Variants in CDH1 observed in about 807,000 individuals in gnomAD.
CDH1 encodes cadherin-1.
A neutral mutation model predicts 84.5 loss-of-function variants in CDH1; 35 were observed. That is an observed-to-expected ratio of 0.41 (90% CI 0.32 to 0.55). The LOEUF is 0.55. Among genes scored for constraint, CDH1 ranks in the 20% least tolerant of loss-of-function variants. CDH1 has a pLI of 0.19. For missense variants in CDH1, 994 were observed against 1,126.6 expected, an observed-to-expected ratio of 0.88 and a Z score of 1.68; for synonymous variants, 417 against 439.0, an observed-to-expected ratio of 0.95 and a Z score of 0.63.
intron 2 of CDH1, among the ~76,000 whole-genome samples, chr16:68,769,833 A>G (rs1286848746): frequency 6.6e-6 from 1 of 151,986 alleles, no homozygotes; most frequent in East Asian, 2.0e-4. Flanking sequence ...TTATGCCATC[A>G]CGCCTGGCTA....
chr16:68,803,053 C>T (rs1431705601), intron 3 of CDH1, among the ~76,000 whole-genome samples: 1 of 152,094 alleles, frequency 6.6e-6, no homozygotes, highest in Non-Finnish European at 1.5e-5. Flanking sequence ...TCAAGTGCTC[C>T]CGTGGTGCTT....
intron 3 of CDH1, among the ~76,000 whole-genome samples, chr16:68,804,162 G>A (rs1019582732): frequency 5.3e-5 from 7 of 131,094 alleles, no homozygotes; most frequent in African/African-American, 6.1e-5. Context: ...CACCCAGGCT[G>A]GAGTGCAGTG....
chr16:68,771,375 C>A (rs1416724582), intron 2 of CDH1, among the ~76,000 whole-genome samples: 1 of 152,130 alleles, frequency 6.6e-6, no homozygotes, highest in Non-Finnish European at 1.5e-5. Flanking sequence ...TAGTCTCGAA[C>A]TCCTAGTCTC....
At chr16:68,808,967 C>A in intron 5 of CDH1, 119 bp downstream of exon 5, 1 of 883,656 alleles carries the variant, frequency 1.1e-6, no homozygotes, top group Non-Finnish European at 1.8e-6. Flanking sequence ...TAACTTGACA[C>A]CTCTTGACCT....
intron 2 of CDH1, among the ~76,000 whole-genome samples, chr16:68,767,337 G>A (rs1479130615): frequency 6.6e-6 from 1 of 152,016 alleles, no homozygotes; most frequent in African/African-American, 2.4e-5. Flanking sequence ...TGGGATTACA[G>A]GGGTGTGCCA....
intron 2 of CDH1, among the ~76,000 whole-genome samples, chr16:68,794,717 C>T (rs1224194436): frequency 2.8e-5 from 4 of 141,758 alleles, no homozygotes; most frequent in East Asian, 2.1e-4. Flanking sequence ...GATGGAGTCT[C>T]GCTCAGTCGC....
At chr16:68,762,295 G>A (rs1487620511) in intron 2 of CDH1, among the ~76,000 whole-genome samples, 2 of 152,152 alleles carry the variant, frequency 1.3e-5, no homozygotes, top group African/African-American at 2.4e-5. Context: ...GTCGGGATAC[G>A]TCCTACTCCT....
intron 1 of CDH1, among the ~76,000 whole-genome samples, chr16:68,737,956 C>T (rs1962444395): frequency 6.6e-6 from 1 of 152,168 alleles, no homozygotes; most frequent in African/African-American, 2.4e-5. Context: ...TGGGAGCGCC[C>T]CTCGCTCTGA....
intron 6 of CDH1, among the ~76,000 whole-genome samples, chr16:68,811,153 T>G (rs1215305539): frequency 1.3e-5 from 2 of 151,956 alleles, no homozygotes; most frequent in Non-Finnish European, 2.9e-5. Flanking sequence ...ACCCCAGCAC[T>G]TTGGGAGGCC....
chr16:68,813,561 T>G (rs1222256449), intron 9 of CDH1, 66 bp downstream of exon 9: 1 of 1,482,226 alleles, frequency 6.7e-7, no homozygotes, highest in South Asian at 1.1e-5. Flanking sequence ...CCTTGTCCCC[T>G]GGTATCTTCT....
intron 8 of CDH1, among the ~76,000 whole-genome samples, chr16:68,812,708 A>G (rs1960873417): frequency 6.6e-6 from 1 of 152,196 alleles, no homozygotes. Flanking sequence ...CATGCATTCA[A>G]GGAGAAGGTA....
chr16:68,821,999 A>C lies in CDH1; in HGVS notation c.1712-2A>C, dbSNP rs552325719. Reference sequence around the variant, plus strand: ...CCACATTTTCTGTGTATTTTCTCTTAGGTTCTCCAGTTGCTACTGGAACAG... The same window carrying C: ...CCACATTTTCTGTGTATTTTCTCTTCGGTTCTCCAGTTGCTACTGGAACAG... On this transcript the variant is annotated splice_acceptor_variant, in intron 11 of 15. Coordinates refer to ENST00000261769, the MANE Select transcript of CDH1 (RefSeq NM_004360.5). LOFTEE classifies it high-confidence loss of function. 1 of 1,611,196 alleles carries C rather than the reference A, an allele frequency of 6.2e-7. No homozygotes were observed. The highest frequency in any genetic ancestry group is 8.5e-7 in the Non-Finnish European group (1 of 1,177,342).
Position 68,833,599 on chromosome 16 carries a change from G to A in CDH1, c.*100G>A. 1.1e-6 allele frequency: 1 copy of A among 919,474 alleles called. No individual in the cohort carries two copies. The highest frequency in any genetic ancestry group is 1.8e-6 in the Non-Finnish European group (1 of 563,184). 57.0% of individuals were successfully genotyped at this position (919,474 alleles called of 1,614,324 possible). A position where few individuals can be genotyped will look rare whatever the true frequency, so the allele number is the denominator to read the frequency against. ...TCCCTTCCCTTGAGATGAGTTTCTG[G>A]GGAAAAAAAAGAGACTGGTTAGTGA... On this transcript the variant is annotated 3_prime_UTR_variant, in exon 16 of 16. Transcript: ENST00000261769.
intron 8 of CDH1, among the ~76,000 whole-genome samples, chr16:68,812,731 T>G (rs1469318709): frequency 6.6e-6 from 1 of 152,110 alleles, no homozygotes; most frequent in Non-Finnish European, 1.5e-5. Flanking sequence ...GAGAACCAAG[T>G]AGGGTAAGTT....
At chr16:68,742,109 G>C (rs951843814) in intron 2 of CDH1, among the ~76,000 whole-genome samples, 1 of 152,086 alleles carries the variant, frequency 6.6e-6, no homozygotes, top group African/African-American at 2.4e-5. Context: ...ACTCAGGCGC[G>C]GAAAAAAGAA....
At chr16:68,750,064 G>A (rs1223774014) in intron 2 of CDH1, among the ~76,000 whole-genome samples, 1 of 150,396 alleles carries the variant, frequency 6.6e-6, no homozygotes. Context: ...CTCCCATCTT[G>A]GCCTCTCGAA....
chr16:68,827,093 A>ACAC (rs1282605454), intron 13 of CDH1, among the ~76,000 whole-genome samples: 1 of 152,148 alleles, frequency 6.6e-6, no homozygotes, highest in Non-Finnish European at 1.5e-5. Flanking sequence ...CAACATAGTG[A>ACAC]AACCCTGTCT....
intron 2 of CDH1, among the ~76,000 whole-genome samples, chr16:68,779,577 C>T (rs553274258): frequency 1.7e-4 from 26 of 152,254 alleles, no homozygotes; most frequent in Middle Eastern, 3.4e-3. Context: ...AGGGGTTGGC[C>T]GGGCACGATG....
intron 13 of CDH1, among the ~76,000 whole-genome samples, chr16:68,824,326 C>T (rs373565768): frequency 1.8e-4 from 28 of 152,222 alleles, no homozygotes; most frequent in South Asian, 6.2e-4. Flanking sequence ...AGCTCCCAGG[C>T]GGTACTGATG....
Sources: allele counts gnomAD v4.1 joint callset (sites outside exome capture counted in the v4.1 genomes callset), GRCh38; gene constraint gnomAD v4.1.1; transcripts MANE v1.5; gene names NCBI Gene and HGNC (gene_info 2026-07-23, HGNC 2026-07-21).